The following PIGO variants were observed in gnomAD, a reference collection of about 807,000 sequenced individuals.
PIGO encodes GPI ethanolamine phosphate transferase 3, catalytic subunit.
In PIGO, 66 loss-of-function variants were observed where a neutral mutation model predicts 86.9. The ratio of observed to expected loss-of-function variants is 0.76; its 90% CI spans 0.62 to 0.93. PIGO has a LOEUF of 0.93. Ranked by LOEUF, PIGO falls within the 40% of genes least tolerant of loss-of-function variation. The pLI is 0.00. For missense variants in PIGO, 1,202 were observed against 1,359.1 expected, an observed-to-expected ratio of 0.88 and a Z score of 1.82; for synonymous variants, 570 against 556.4, an observed-to-expected ratio of 1.02 and a Z score of -0.34.
chr9:35,092,572 A>G lies in PIGO; in HGVS notation c.1315T>C (p.Cys439Arg). Residue 439 changes from cysteine to arginine, a missense_variant, in exon 7 of 11, where the codon TGC (cysteine) becomes CGC (arginine). Coordinates refer to ENST00000378617, the MANE Select transcript of PIGO (RefSeq NM_032634.4). ...QQFLRGARAM[C>R]IESWARFSLV... Reference sequence around the variant, plus strand: ...GAGAAACGAGCCCAAGACTCGATGCACATGGCCCGAGCTCCCCGCAGGAAC... The same window carrying G: ...GAGAAACGAGCCCAAGACTCGATGCGCATGGCCCGAGCTCCCCGCAGGAAC... The G allele has an allele frequency of 6.2e-7, 1 of 1,614,256 alleles. No individual in the cohort carries two copies. The highest frequency in any genetic ancestry group is 8.5e-7 in the Non-Finnish European group (1 of 1,180,040).
chr9:35,094,684 C>G (rs1036352493), intron 2 of PIGO, among the ~76,000 whole-genome samples: 2 of 152,230 alleles, frequency 1.3e-5, no homozygotes, highest in Admixed American at 6.5e-5. Context: ...CTGTATTTCT[C>G]TGCTTTCTTC....
chr9:35,094,044 G>A lies in PIGO; in HGVS notation c.656-20C>T, dbSNP rs758667878. ...TGTCCACTGTGAAGGGGAGAACACT[G>A]AGCACAGAAGACTAAGACCCACTCC... On this transcript the variant is annotated intron_variant, in intron 3 of 10. Coordinates refer to ENST00000378617, the MANE Select transcript of PIGO (RefSeq NM_032634.4). 8.1e-6 allele frequency: 13 copies of A among 1,609,438 alleles called. No homozygotes were observed. The highest frequency in any genetic ancestry group is 1.0e-5 in the Non-Finnish European group (12 of 1,177,666).
rs376829041 is a variant in PIGO at position 35,089,417 on chromosome 9, G to A, written c.3103C>T (p.Arg1035Cys). The change falls in exon 10 of 11, where the codon CGC becomes TGC. Residue 1035 changes from arginine to cysteine, a missense_variant. Arg to Cys is a radical substitution (Grantham distance 180, BLOSUM62 -3). Transcript: ENST00000378617. ...LACALAASILRRHLMVWKVFA... is the reference protein window; with the variant it reads ...LACALAASILCRHLMVWKVFA... ...ACTTTCCAGACCATGAGATGCCTGC[G>A]AAGGATGGAGGCTGCCAAGGCACAG... is the stretch of plus-strand genomic sequence containing the variant. 1.9e-4 allele frequency: 299 copies of A among 1,614,196 alleles called. No homozygotes were observed. The highest frequency in any genetic ancestry group is 3.8e-4 in the Admixed American group (23 of 60,008).
chr9:35,089,608 T>C, intron 9 of PIGO, 158 bp from the exon 10 acceptor site: 1 of 1,465,246 alleles, frequency 6.8e-7, no homozygotes, highest in Non-Finnish European at 9.0e-7. Context: ...TTAGGAGACC[T>C]ACTTCCTGCC....
rs761287303 is a variant in PIGO at position 35,089,226 on chromosome 9, A to G, written c.3141-5T>C. On this transcript the variant is annotated splice_polypyrimidine_tract_variant and splice_region_variant and intron_variant, in intron 10 of 10. Coordinates refer to ENST00000378617, the MANE Select transcript of PIGO (RefSeq NM_032634.4). Reference sequence around the variant, plus strand: ...CCCACAGCCTCAAATATGAACCTGCAAAGAAAGGCGGAGAATCTCAGGCAA... The same window carrying G: ...CCCACAGCCTCAAATATGAACCTGCGAAGAAAGGCGGAGAATCTCAGGCAA... The G allele has an allele frequency of 6.2e-7, 1 of 1,614,212 alleles. No individual in the cohort carries two copies. The highest frequency in any genetic ancestry group is 1.1e-5 in the South Asian group (1 of 91,082).
Position 35,093,457 on chromosome 9 carries a change from A to G in PIGO, c.903T>C (p.Tyr301=), listed in dbSNP as rs759004207. 1 of 1,614,142 alleles carries G rather than the reference A, an allele frequency of 6.2e-7. No individual in the cohort carries two copies. The highest frequency in any genetic ancestry group is 1.1e-5 in the South Asian group (1 of 91,072). The change falls in exon 5 of 11, where the codon TAT becomes TAC. Residue 301 remains tyrosine (Y), a synonymous_variant. Coordinates refer to ENST00000378617, the MANE Select transcript of PIGO (RefSeq NM_032634.4). ...TGCTGGGGAAGACTGCTGTGGGGCT[A>G]TACAGAAAGAGAGCAGCTGAGACCT... ...ELEVSAALFL[Y]SPTAVFPSTP... is the part of the protein sequence containing the mutation.
rs779741993 is a variant in PIGO at position 35,089,143 on chromosome 9, A to G, written c.3219T>C (p.Asp1073=). ...LLGIALVMRV[D]GAVSSWFRQL... ...GCCTGAACCAGGAGCTCACAGCACCATCCACTCTCATCACCAAAGCTATGC... is the reference window on the plus strand; with the variant it reads ...GCCTGAACCAGGAGCTCACAGCACCGTCCACTCTCATCACCAAAGCTATGC... Residue 1073 remains aspartate, a synonymous_variant, in exon 11 of 11, where the codon GAT becomes GAC. Coordinates refer to ENST00000378617, the MANE Select transcript of PIGO (RefSeq NM_032634.4). 1.1e-5 allele frequency: 18 copies of G among 1,614,072 alleles called. No individual in the cohort carries two copies. The South Asian group carries it at 2.0e-4, about 18-fold the overall frequency.
At position 35,090,566 on chromosome 9, in the gene PIGO, A is replaced by T. The variant is rs754326292; in HGVS notation, c.2754T>A (p.His918Gln). 7 of 1,614,136 alleles carry T rather than the reference A, an allele frequency of 4.3e-6. No homozygotes were observed. In the South Asian group the frequency reaches 7.7e-5, roughly 18 times the overall value. The change falls in exon 8 of 11, where the codon CAT becomes CAA. Residue 918 changes from histidine (H) to glutamine (Q), a missense_variant. His to Gln is a conservative substitution (Grantham distance 24, BLOSUM62 0). Transcript: ENST00000378617. ...HQPVFPAIHWHAAFVGFPEGH... is the reference protein window; with the variant it reads ...HQPVFPAIHWQAAFVGFPEGH... ...CCTCTGGGAATCCCACGAAGGCTGCATGCCAATGGATGGCTGGAAAGACAG... is the reference window on the plus strand; with the variant it reads ...CCTCTGGGAATCCCACGAAGGCTGCTTGCCAATGGATGGCTGGAAAGACAG...
Position 35,090,676 on chromosome 9 carries a change from G to A in PIGO, c.2648-4C>T. On this transcript the variant is annotated splice_polypyrimidine_tract_variant and splice_region_variant and intron_variant, in intron 7 of 10. Coordinates refer to ENST00000378617, the MANE Select transcript of PIGO (RefSeq NM_032634.4). ...TGCCATGGCACAGTAAAAGGACCTG[G>A]AAGAAAAGATATGCCACGTTACAGT... 6.2e-7 allele frequency: 1 copy of A among 1,613,494 alleles called. No homozygotes were observed. Among genetic ancestry groups the A allele is most frequent in the Non-Finnish European group, 8.5e-7 (1 of 1,179,686 alleles).
Position 35,090,116 on chromosome 9 carries a change from C to G in PIGO, c.3019G>C (p.Ala1007Pro). ...RLRDAPQHFY[A>P]ALLQLGLKYL... ...TTGAGGCCCAGCTGCAGCAGTGCTG[C>G]ATAGAAGTGCTGAGGCGCATCCCGG... is the stretch of plus-strand genomic sequence containing the variant. Residue 1007 changes from alanine (A) to proline (P), a missense_variant, in exon 9 of 11, where the codon GCA becomes CCA. Physicochemically the swap from Ala to Pro is conservative, Grantham distance 27. Coordinates refer to ENST00000378617, the MANE Select transcript of PIGO (RefSeq NM_032634.4). The G allele has an allele frequency of 1.2e-6, 2 of 1,614,248 alleles. No homozygotes were observed. The highest frequency in any genetic ancestry group is 1.7e-6 in the Non-Finnish European group (2 of 1,180,046).
Position 35,088,947 on chromosome 9 carries a change from A to T in PIGO, c.*145T>A. On this transcript the variant is annotated 3_prime_UTR_variant, in exon 11 of 11. Transcript: ENST00000378617. ...TGTGGTCCTGAATTATAGAATAATG[A>T]AGTCCTAGATGTCAGCGGCCCCTGG... 9.2e-7 allele frequency: 1 copy of T among 1,092,360 alleles called. No homozygotes were observed. The highest frequency in any genetic ancestry group is 1.3e-6 in the Non-Finnish European group (1 of 761,018). 67.7% of individuals were successfully genotyped at this position (1,092,360 alleles called of 1,614,324 possible).
Position 35,095,452 on chromosome 9 carries a change from A to G in PIGO, c.114T>C (p.His38=), listed in dbSNP as rs1259183320. The G allele has an allele frequency of 1.2e-6, 2 of 1,613,944 alleles. No homozygotes were observed. Among genetic ancestry groups the G allele is most frequent in the East Asian group, 2.2e-5 (1 of 44,882 alleles). The change falls in exon 2 of 11, where the codon CAT becomes CAC. Residue 38 remains histidine, a synonymous_variant. Transcript: ENST00000378617. The stretch of plus-strand genomic sequence containing the variant: ...GGCCTGGGGGCTCTTGGCAGCTGCT[A>G]TGGTTGGTGAGCTCCAAACGGGTGA... ...FLLTRLELTN[H]SSCQEPPGPG...
In PIGO at chr9:35,091,399, T is replaced by C. The variant is rs1201442869; in HGVS notation, c.2488A>G (p.Ser830Gly). The change falls in exon 7 of 11, where the codon AGT becomes GGT. Residue 830 changes from serine (S) to glycine (G), a missense_variant. By Grantham distance (56) the Ser-to-Gly change is moderately conservative (BLOSUM62 0). Transcript: ENST00000378617. ...PLTVAAYQLGSVYSAAMVTAL... is the reference protein window; with the variant it reads ...PLTVAAYQLGGVYSAAMVTAL... ...GTGACCATAGCAGCTGAGTAGACAC[T>C]CCCCAACTGATAAGCAGCCACAGTC... 2 of 1,614,102 alleles carry C rather than the reference T, an allele frequency of 1.2e-6. No individual in the cohort carries two copies. Among genetic ancestry groups the C allele is most frequent in the Admixed American group, 3.3e-5 (2 of 60,018 alleles).
rs751028813 is a variant in PIGO, at chr9:35,092,083, T to C, written c.1804A>G (p.Met602Val). Residue 602 changes from methionine (M) to valine (V), a missense_variant, in exon 7 of 11, where the codon ATG becomes GTG. By Grantham distance (21) the Met-to-Val change is conservative (BLOSUM62 1). Transcript: ENST00000378617. ...GTGGCTGAAGTGCCAAGGCGGGGCATTGTGAGTAGCTTAGGTGGAAGCAGC... is the reference window on the plus strand; with the variant it reads ...GTGGCTGAAGTGCCAAGGCGGGGCACTGTGAGTAGCTTAGGTGGAAGCAGC... Reference protein sequence around the residue: ...GQLLPPKLLTMPRLGTSATTN... With the variant: ...GQLLPPKLLTVPRLGTSATTN... 1.2e-6 allele frequency: 2 copies of C among 1,614,064 alleles called. No homozygotes were observed. Among genetic ancestry groups the C allele is most frequent in the Non-Finnish European group, 1.7e-6 (2 of 1,180,024 alleles).
In PIGO at chr9:35,090,527, A is replaced by G. The variant is rs1829368380; in HGVS notation, c.2793T>C (p.Cys931=). The change falls in exon 8 of 11, where the codon TGT becomes TGC. Residue 931 remains cysteine, a synonymous_variant. Coordinates refer to ENST00000378617, the MANE Select transcript of PIGO (RefSeq NM_032634.4). The part of the protein sequence containing the change: ...FVGFPEGHGS[C]TWLPALLVGA... Reference sequence around the variant, plus strand: ...CCACTAGCAAAGCAGGCAGCCAAGTACAGGAGCCATGACCCTCTGGGAATC... The same window carrying G: ...CCACTAGCAAAGCAGGCAGCCAAGTGCAGGAGCCATGACCCTCTGGGAATC... 1.2e-6 allele frequency: 2 copies of G among 1,614,110 alleles called. No individual in the cohort carries two copies. Among genetic ancestry groups the G allele is most frequent in the Non-Finnish European group, 1.7e-6 (2 of 1,180,034 alleles).
rs769855641 is a variant in PIGO at position 35,093,026 on chromosome 9, C to T, written c.1119+4G>A. 2 of 1,601,266 alleles carry T rather than the reference C, an allele frequency of 1.2e-6. No individual in the cohort carries two copies. Among genetic ancestry groups the T allele is most frequent in the South Asian group, 1.1e-5 (1 of 90,630 alleles). ...TCACCTGGAAACCCAGCCCGCTTAC[C>T]TACCTGCTGAGCATTGAGATGGAGA... On this transcript the variant is annotated splice_donor_region_variant and intron_variant, in intron 6 of 10. Coordinates refer to ENST00000378617, the MANE Select transcript of PIGO (RefSeq NM_032634.4).
intron 9 of PIGO, 82 bp downstream of exon 9, chr9:35,089,984 C>T: frequency 1.3e-6 from 2 of 1,526,944 alleles, no homozygotes; most frequent in Non-Finnish European, 1.8e-6. Context: ...AAGGCTCTCT[C>T]CCACGGTTTT....
Position 35,091,310 on chromosome 9 carries a change from G to T in PIGO, c.2577C>A (p.Phe859Leu). 6.2e-7 allele frequency: 1 copy of T among 1,613,968 alleles called. No homozygotes were observed. The highest frequency in any genetic ancestry group is 8.5e-7 in the Non-Finnish European group (1 of 1,179,916). Reference protein sequence around the residue: ...LLHAERISLVFLLLFLQSFLL... With the variant: ...LLHAERISLVLLLLFLQSFLL... The stretch of plus-strand genomic sequence containing the variant: ...GGAAGCTCTGCAGAAACAGAAGCAG[G>T]AACACAAGGCTGATGCGCTCCGCAT... Residue 859 changes from phenylalanine to leucine, a missense_variant, in exon 7 of 11, where the codon TTC becomes TTA. By Grantham distance (22) the Phe-to-Leu change is conservative (BLOSUM62 0). Transcript: ENST00000378617.
chr9:35,091,295 C>G lies in PIGO; in HGVS notation c.2592G>C (p.Leu864=). The G allele has an allele frequency of 6.2e-7, 1 of 1,613,120 alleles. No individual in the cohort carries two copies. The highest frequency in any genetic ancestry group is 1.1e-5 in the South Asian group (1 of 90,946). The change falls in exon 7 of 11, where the codon CTG becomes CTC. Residue 864 remains leucine, a synonymous_variant. Transcript: ENST00000378617. ...GCAGATGTAGGAGAAGGAAGCTCTGCAGAAACAGAAGCAGGAACACAAGGC... is the reference window on the plus strand; with the variant it reads ...GCAGATGTAGGAGAAGGAAGCTCTGGAGAAACAGAAGCAGGAACACAAGGC... ...RISLVFLLLF[L]QSFLLLHLLA... is the part of the protein sequence containing the mutation.
Sources: gnomAD v4.1 joint callset for allele counts (sites outside exome capture counted in the v4.1 genomes callset) on GRCh38, gnomAD v4.1.1 for gene constraint, MANE v1.5 for transcripts, NCBI Gene and HGNC (gene_info 2026-07-23, HGNC 2026-07-21) for gene names.